SYN2: variants seen among roughly 807,000 people sequenced by gnomAD.
The protein encoded by SYN2 is synapsin II.
In SYN2, 19 loss-of-function variants were observed where a neutral mutation model predicts 50.9. The ratio of observed to expected loss-of-function variants is 0.37; its 90% CI spans 0.26 to 0.55. The LOEUF is 0.55. Ranked by LOEUF, SYN2 falls within the 20% of genes least tolerant of loss-of-function variation. The pLI is 0.81. For missense variants in SYN2, 587 were observed against 576.4 expected (o/e 1.02, Z -0.19); for synonymous variants, 255 against 224.9 (o/e 1.13, Z -1.20).
At chr3:12,043,492 A>G (rs1254228193) in intron 1 of SYN2, among the ~76,000 whole-genome samples, 2 of 152,226 alleles carry the variant, frequency 1.3e-5, no homozygotes, top group Non-Finnish European at 2.9e-5. Flanking sequence ...GTGTTATTTT[A>G]TCTCCCAACA....
intron 1 of SYN2, among the ~76,000 whole-genome samples, chr3:12,053,451 A>G (rs1694914815): frequency 6.7e-6 from 1 of 150,368 alleles, no homozygotes; most frequent in Admixed American, 6.6e-5. Context: ...AAACAAAACA[A>G]AAAAATATAT....
intron 5 of SYN2, chr3:12,157,609 G>A: frequency 2.5e-6 from 2 of 811,350 alleles, no homozygotes; most frequent in African/African-American, 3.4e-5. Flanking sequence ...GCTGGGTTGT[G>A]AGCAACGTGA....
chr3:12,010,587 A>C (rs371828440), intron 1 of SYN2, among the ~76,000 whole-genome samples: 6 of 152,218 alleles, frequency 3.9e-5, no homozygotes, highest in Middle Eastern at 3.2e-3. Flanking sequence ...TCTTAGATAA[A>C]CCACTTCGCA....
intron 1 of SYN2, among the ~76,000 whole-genome samples, chr3:12,048,619 A>G (rs931565206): frequency 2.6e-5 from 4 of 152,220 alleles, no homozygotes; most frequent in African/African-American, 9.6e-5. Context: ...TGTGCCAGGT[A>G]TTGTGATAGG....
At chr3:12,183,693 A>G in intron 11 of SYN2, 3 of 1,289,642 alleles carry the variant, frequency 2.3e-6, no homozygotes, top group South Asian at 3.6e-5. Flanking sequence ...AACAGTATAC[A>G]AAAGAATTGT....
At chr3:12,062,954 T>G (rs1695145389) in intron 1 of SYN2, among the ~76,000 whole-genome samples, 1 of 151,980 alleles carries the variant, frequency 6.6e-6, no homozygotes, top group South Asian at 2.1e-4. Context: ...CTTAAATGCA[T>G]ATTGCTAAGG....
At chr3:12,182,718 C>G (rs1220281576) in intron 10 of SYN2, among the ~76,000 whole-genome samples, 2 of 152,272 alleles carry the variant, frequency 1.3e-5, no homozygotes. Context: ...TGGATCTGAT[C>G]TCCTGAGTCA....
At chr3:12,077,237 A>G (rs961077058) in intron 1 of SYN2, among the ~76,000 whole-genome samples, 1 of 152,142 alleles carries the variant, frequency 6.6e-6, no homozygotes, top group Non-Finnish European at 1.5e-5. Flanking sequence ...AAGAAAATTC[A>G]TATAAGAATA....
chr3:12,147,592 C>T (rs192760069), intron 4 of SYN2, among the ~76,000 whole-genome samples: 32 of 152,300 alleles, frequency 2.1e-4, no homozygotes, highest in African/African-American at 3.1e-4. Context: ...CTACGGCACA[C>T]GTGTCCTAAC....
chr3:12,039,549 A>ATTTTTTTTTTTTTT (rs60746238), intron 1 of SYN2, among the ~76,000 whole-genome samples: 1 of 118,010 alleles, frequency 8.5e-6, no homozygotes. Context: ...AGAAGCAAAG[A>ATTTTTTTTTTTTTT]TTTTTTTTTT....
intron 1 of SYN2, among the ~76,000 whole-genome samples, chr3:12,013,069 A>G (rs544605892): frequency 3.9e-5 from 6 of 152,356 alleles, no homozygotes; most frequent in East Asian, 1.9e-4. Context: ...TGTGTTTGAC[A>G]CTGTATATCT....
At chr3:12,164,932 G>GGTCATAGAGGTTATA (rs1281896514) in intron 7 of SYN2, among the ~76,000 whole-genome samples, 1 of 151,612 alleles carries the variant, frequency 6.6e-6, no homozygotes, top group Admixed American at 6.6e-5. Flanking sequence ...GAGGTTATGG[G>GGTCATAGAGGTTATA]ACTGGCTTGA....
chr3:12,119,797 C>A (rs1007661859), intron 1 of SYN2, among the ~76,000 whole-genome samples: 1 of 152,126 alleles, frequency 6.6e-6, no homozygotes, highest in African/African-American at 2.4e-5. Flanking sequence ...AGGTTCGTTT[C>A]CTCCTCTCTC....
At chr3:12,081,488 T>G (rs1695586546) in intron 1 of SYN2, among the ~76,000 whole-genome samples, 1 of 152,198 alleles carries the variant, frequency 6.6e-6, no homozygotes, top group Non-Finnish European at 1.5e-5. Context: ...ACTTTTTTTT[T>G]TGTTATCAAT....
intron 1 of SYN2, among the ~76,000 whole-genome samples, chr3:12,039,026 A>C (rs1694557991): frequency 6.6e-6 from 1 of 152,120 alleles, no homozygotes; most frequent in African/African-American, 2.4e-5. Flanking sequence ...CACTATTATA[A>C]TGTTAACTGT....
intron 5 of SYN2, chr3:12,156,996 G>T: frequency 8.3e-7 from 1 of 1,200,404 alleles, no homozygotes; most frequent in South Asian, 1.4e-5. Flanking sequence ...TATATTAACA[G>T]ACAAAAACCT....
Position 12,104,822 on chromosome 3 carries a change from G to A in SYN2, c.378-35829G>A, listed in dbSNP as rs148528217. ...GACCTCAGGTGATCTACCCGCCTTGGCCTCCGAAAGTGCTGAGATTACAGG... is the reference window on the plus strand; with the variant it reads ...GACCTCAGGTGATCTACCCGCCTTGACCTCCGAAAGTGCTGAGATTACAGG... On this transcript the variant is annotated intron_variant, in intron 1 of 12. Transcript: ENST00000621198. 4.1e-3 allele frequency among the ~76,000 whole-genome samples: 618 copies of A among 152,084 alleles called. 2 individuals are homozygous for A. The highest frequency in any genetic ancestry group is 7.5e-3 in the Admixed American group (115 of 15,278).
At chr3:12,066,720 G>T (rs765465304) in intron 1 of SYN2, among the ~76,000 whole-genome samples, 1 of 152,142 alleles carries the variant, frequency 6.6e-6, no homozygotes, top group Non-Finnish European at 1.5e-5. Context: ...ACATAGAGCA[G>T]TTCTGTTCAA....
chr3:12,142,971 A>G (rs1697056876), intron 3 of SYN2, among the ~76,000 whole-genome samples: 1 of 152,226 alleles, frequency 6.6e-6, no homozygotes, highest in Non-Finnish European at 1.5e-5. Context: ...AGAGATGTCC[A>G]TCCGGGTGGG....
Sources: allele counts gnomAD v4.1 joint callset (sites outside exome capture counted in the v4.1 genomes callset), GRCh38; gene constraint gnomAD v4.1.1; transcripts MANE v1.5; gene names NCBI Gene and HGNC (gene_info 2026-07-23, HGNC 2026-07-21).